PPWD1: variants seen among roughly 807,000 people sequenced by gnomAD.
The protein encoded by PPWD1 is peptidylprolyl isomerase domain and WD repeat-containing protein 1.
A neutral mutation model predicts 68.8 loss-of-function variants in PPWD1; 43 were observed. The ratio of observed to expected loss-of-function variants is 0.62; its 90% CI spans 0.49 to 0.81. The LOEUF is 0.81. Among genes scored for constraint, PPWD1 ranks in the 30% least tolerant of loss-of-function variants. The probability of loss-of-function intolerance (pLI) is 0.00; values close to 1 mark genes in which losing one functional copy is unlikely to be tolerated. For synonymous variants in PPWD1, 232 were observed against 258.7 expected, an observed-to-expected ratio of 0.90 and a Z score of 0.99; for missense variants, 672 against 804.8, an observed-to-expected ratio of 0.83 and a Z score of 2.00.
rs1753774446 is a variant in PPWD1 at position 65,585,110 on chromosome 5, T to A, written c.1614+15T>A. 6.3e-7 allele frequency: 1 copy of A among 1,585,738 alleles called. No individual in the cohort carries two copies. Among genetic ancestry groups the A allele is most frequent in the Non-Finnish European group, 8.7e-7 (1 of 1,155,846 alleles). ...GTATAATTAAGGTAAGTTACATAAA[T>A]TTCATGTCATATAAGAAATACTGTA... is the stretch of plus-strand genomic sequence containing the variant. On this transcript the variant is annotated intron_variant, in intron 9 of 10. Coordinates refer to ENST00000261308, the MANE Select transcript of PPWD1 (RefSeq NM_015342.4).
At position 65,572,578 on chromosome 5, in the gene PPWD1, C is replaced by T. The variant is rs147237486; in HGVS notation, c.969+292C>T. ...GCTGTTAAGATCCTCAAAACTCATT[C>T]TAGGACCCCTTATCTTCTCACTCTT... On this transcript the variant is annotated intron_variant, in intron 5 of 10. Coordinates refer to ENST00000261308, the MANE Select transcript of PPWD1 (RefSeq NM_015342.4). Among the ~76,000 whole-genome samples the T allele has an allele frequency of 5.8e-3, 886 of 152,176 alleles. 9 individuals carry two copies. Among genetic ancestry groups the T allele is most frequent in the African/African-American group, 0.021 (852 of 41,534 alleles).
intron 7 of PPWD1, among the ~76,000 whole-genome samples, chr5:65,580,244 G>T (rs1753532827): frequency 6.6e-6 from 1 of 152,106 alleles, no homozygotes; most frequent in African/African-American, 2.4e-5. Flanking sequence ...CTTCACAATG[G>T]AATCAGAGAA....
In PPWD1 at chr5:65,577,097, T is replaced by A. The variant is rs765887259; in HGVS notation, c.1160+28T>A. The stretch of plus-strand genomic sequence containing the variant: ...AAGCTTTAATATGAGGTATGTTTTT[T>A]AAAAATGTGTTTGTGGGGGACCATT... On this transcript the variant is annotated intron_variant, in intron 6 of 10. Coordinates refer to ENST00000261308, the MANE Select transcript of PPWD1 (RefSeq NM_015342.4). 11 of 1,586,002 alleles carry A rather than the reference T, an allele frequency of 6.9e-6. No homozygotes were observed. The East Asian group carries it at 2.5e-4, about 36-fold the overall frequency.
At chr5:65,579,280 G>A in intron 6 of PPWD1, 144 bp from the exon 7 acceptor site, 2 of 1,248,368 alleles carry the variant, frequency 1.6e-6, no homozygotes, top group African/African-American at 3.1e-5. Context: ...ACCTTTTGGG[G>A]GGTAGAGAAA....
rs950667709 is a variant in PPWD1 at position 65,586,169 on chromosome 5, G to A, written c.1785G>A (p.Thr595=). Residue 595 remains threonine (T), a synonymous_variant, in exon 10 of 11, where the codon ACG becomes ACA. Coordinates refer to ENST00000261308, the MANE Select transcript of PPWD1 (RefSeq NM_015342.4). ...CTAATGGATCCCAGTTTTTCATAAC[G>A]GTAGTACCAACGGTAAGTACAGTAT... is the stretch of plus-strand genomic sequence containing the variant. The part of the protein sequence containing the change: ...SNTNGSQFFI[T]VVPTPWLDNK... 12 of 1,612,544 alleles carry A rather than the reference G, an allele frequency of 7.4e-6. No homozygotes were observed. Among genetic ancestry groups the A allele is most frequent in the Admixed American group, 1.7e-5 (1 of 59,894 alleles).
At chr5:65,564,269 T>C (rs1009536023) in intron 1 of PPWD1, among the ~76,000 whole-genome samples, 4 of 152,188 alleles carry the variant, frequency 2.6e-5, no homozygotes, top group Non-Finnish European at 2.9e-5. Flanking sequence ...AATCGTACTT[T>C]AGCACCTTCC....
rs190821720 is a variant in PPWD1 at position 65,573,730 on chromosome 5, T to C, written c.969+1444T>C. ...ACTGTTTCTTTTAGAGCATTTGATA[T>C]GGTCATATTATTTGATTAATGTGTA... On this transcript the variant is annotated intron_variant, in intron 5 of 10. Transcript: ENST00000261308. Among the ~76,000 whole-genome samples, 297 of 151,448 alleles carry C rather than the reference T, an allele frequency of 2.0e-3. 2 individuals carry two copies. Among genetic ancestry groups the C allele is most frequent in the Non-Finnish European group, 2.3e-3 (156 of 67,882 alleles).
At chr5:65,580,459 T>C (rs1051926382) in intron 7 of PPWD1, among the ~76,000 whole-genome samples, 1 of 152,194 alleles carries the variant, frequency 6.6e-6, no homozygotes, top group Admixed American at 6.5e-5. Context: ...CTATTCATTC[T>C]ACCAGCCACA....
At chr5:65,580,916 ATAATT>A (rs371475524) in intron 7 of PPWD1, among the ~76,000 whole-genome samples, 139 of 152,324 alleles carry the variant, frequency 9.1e-4, no homozygotes, top group African/African-American at 3.3e-3. Flanking sequence ...GTGAACATCA[ATAATT>A]TATTTTTTTG....
chr5:65,567,549 C>G lies in PPWD1; in HGVS notation c.233C>G (p.Pro78Arg), dbSNP rs752345161. The G allele has an allele frequency of 8.1e-6, 13 of 1,611,662 alleles. No individual in the cohort carries two copies. In the South Asian group the frequency reaches 1.2e-4, roughly 15 times the overall value. The change falls in exon 2 of 11, where the codon CCC becomes CGC. Residue 78 changes from proline (P) to arginine (R), a missense_variant. Pro to Arg is a moderately radical substitution (Grantham distance 103). Coordinates refer to ENST00000261308, the MANE Select transcript of PPWD1 (RefSeq NM_015342.4). ...EFERVYLDNL[P>R]SASMYERSYM... Reference sequence around the variant, plus strand: ...GAAAGAGTCTATCTTGATAATCTCCCCAGTGCATCCATGTATGAGCGCAGT... The same window carrying G: ...GAAAGAGTCTATCTTGATAATCTCCGCAGTGCATCCATGTATGAGCGCAGT...
At chr5:65,587,116 G>A in intron 10 of PPWD1, 137 bp from the exon 11 acceptor site, 1 of 973,016 alleles carries the variant, frequency 1.0e-6, no homozygotes. Context: ...TTTTATTGCT[G>A]AGAAATTATT....
intron 6 of PPWD1, among the ~76,000 whole-genome samples, chr5:65,578,795 T>TATACAC (rs565407332): frequency 3.1e-5 from 3 of 95,288 alleles, no homozygotes; most frequent in African/African-American, 1.3e-4. Context: ...TATATATATA[T>TATACAC]ACATATATAT....
intron 10 of PPWD1, among the ~76,000 whole-genome samples, chr5:65,586,464 A>G (rs986997454): frequency 2.0e-5 from 3 of 152,158 alleles, no homozygotes; most frequent in South Asian, 2.1e-4. Flanking sequence ...CCTAAAATAA[A>G]TTATTTCACT....
intron 5 of PPWD1, among the ~76,000 whole-genome samples, chr5:65,576,059 T>C (rs570749139): frequency 1.3e-5 from 2 of 152,334 alleles, no homozygotes; most frequent in African/African-American, 4.8e-5. Context: ...AAGTGTAAAA[T>C]ACAAGATTTC....
At chr5:65,566,899 T>C (rs1317955780) in intron 1 of PPWD1, among the ~76,000 whole-genome samples, 1 of 151,762 alleles carries the variant, frequency 6.6e-6, no homozygotes, top group Non-Finnish European at 1.5e-5. Context: ...AGATTACTAC[T>C]CTTTCAGGTG....
Position 65,567,491 on chromosome 5 carries a change from T to G in PPWD1, c.197-22T>G, listed in dbSNP as rs375762851. ...GTTTATTTGTTAAAAATAGATCTTA[T>G]ACTTTACTTTTTTTTCTTCAGTCTT... On this transcript the variant is annotated intron_variant, in intron 1 of 10. Transcript: ENST00000261308. 10 of 1,589,712 alleles carry G rather than the reference T, an allele frequency of 6.3e-6. No homozygotes were observed. The South Asian group carries it at 1.0e-4, about 16-fold the overall frequency.
At chr5:65,578,868 A>G (rs1038472494) in intron 6 of PPWD1, among the ~76,000 whole-genome samples, 3 of 150,832 alleles carry the variant, frequency 2.0e-5, no homozygotes, top group Non-Finnish European at 4.4e-5. Flanking sequence ...ACAGTCCTTT[A>G]TGAGCCGTTC....
At chr5:65,568,428 A>G (rs1273927298) in intron 2 of PPWD1, among the ~76,000 whole-genome samples, 1 of 152,178 alleles carries the variant, frequency 6.6e-6, no homozygotes, top group Non-Finnish European at 1.5e-5. Flanking sequence ...TAGATAGCAT[A>G]TTAGGCTGCT....
In PPWD1 at chr5:65,563,332, G is replaced by C. The variant is rs1026063281; in HGVS notation, c.22G>C (p.Asp8His). MAAESGS[D>H]FQQRRRRRRD... ...CAACATGGCGGCGGAAAGTGGTAGC[G>C]ATTTTCAGCAGAGACGTAGAAGGCG... Residue 8 changes from aspartate (D) to histidine (H), a missense_variant, in exon 1 of 11, where the codon GAT (aspartate) becomes CAT (histidine). Coordinates refer to ENST00000261308, the MANE Select transcript of PPWD1 (RefSeq NM_015342.4). 1.2e-6 allele frequency: 2 copies of C among 1,613,520 alleles called. No homozygotes were observed. The highest frequency in any genetic ancestry group is 8.5e-7 in the Non-Finnish European group (1 of 1,179,834).
Sources: gnomAD v4.1 joint callset for allele counts (sites outside exome capture counted in the v4.1 genomes callset) on GRCh38, gnomAD v4.1.1 for gene constraint, MANE v1.5 for transcripts, NCBI Gene and HGNC (gene_info 2026-07-23, HGNC 2026-07-21) for gene names.